The following IFT43 variants were observed in gnomAD, a reference collection of about 807,000 sequenced individuals.
IFT43 encodes intraflagellar transport 43.
In IFT43, 33 loss-of-function variants were observed where a neutral mutation model predicts 32.3. The observed-to-expected ratio is 1.02, with a 90% CI of 0.77 to 1.37. The LOEUF is 1.37. Among genes scored for constraint, IFT43 ranks in the 40% most tolerant of loss-of-function variants. The pLI is 0.00. For missense variants in IFT43, 274 were observed against 265.9 expected, an observed-to-expected ratio of 1.03 and a Z score of -0.21; for synonymous variants, 93 against 98.2, an observed-to-expected ratio of 0.95 and a Z score of 0.31.
intron 5 of IFT43, among the ~76,000 whole-genome samples, chr14:76,081,218 T>C (rs1372738913): frequency 6.6e-6 from 1 of 152,276 alleles, no homozygotes; most frequent in Non-Finnish European, 1.5e-5. Flanking sequence ...TCTCAGCTGT[T>C]GTTGAAATGA....
At chr14:75,996,493 A>G (rs1213012746) in intron 2 of IFT43, among the ~76,000 whole-genome samples, 2 of 152,262 alleles carry the variant, frequency 1.3e-5, no homozygotes, top group Admixed American at 6.5e-5. Context: ...AATTTATCCT[A>G]AATATCAGTT....
intron 2 of IFT43, among the ~76,000 whole-genome samples, chr14:75,993,498 C>T (rs192669176): frequency 1.3e-5 from 2 of 152,254 alleles, no homozygotes; most frequent in East Asian, 1.9e-4. Flanking sequence ...TTCCCATTTC[C>T]GTCTGAATTG....
intron 5 of IFT43, among the ~76,000 whole-genome samples, chr14:76,065,208 G>C (rs941404294): frequency 1.3e-5 from 2 of 152,086 alleles, no homozygotes; most frequent in Non-Finnish European, 2.9e-5. Context: ...TGACTTCCAG[G>C]ACACTCTGCT....
intron 2 of IFT43, 58 bp from the exon 3 acceptor site, chr14:76,022,264 TAAAAA>T: frequency 6.9e-7 from 1 of 1,447,736 alleles, no homozygotes; most frequent in Non-Finnish European, 9.7e-7. Flanking sequence ...AAATAGAAAA[TAAAAA>T]ATAAAATAAA....
intron 2 of IFT43, chr14:76,014,284 A>G (rs1343364445): frequency 1.9e-5 from 3 of 155,062 alleles, no homozygotes; most frequent in Non-Finnish European, 2.9e-5. Context: ...TCTTAGTCCA[A>G]AGTAGTCTAG....
intron 3 of IFT43, among the ~76,000 whole-genome samples, chr14:76,039,240 C>T (rs1004899973): frequency 2.0e-5 from 3 of 152,020 alleles, no homozygotes; most frequent in Non-Finnish European, 4.4e-5. Flanking sequence ...TCAAGCTGTC[C>T]TCCGGCCTCA....
chr14:76,034,812 T>G (rs992294670), intron 3 of IFT43, among the ~76,000 whole-genome samples: 2 of 152,196 alleles, frequency 1.3e-5, no homozygotes, highest in Non-Finnish European at 2.9e-5. Context: ...TCACTACCAG[T>G]CCCTTCCCCT....
rs117497609 is a variant in IFT43, at chr14:76,072,158, C to G, written c.296-10137C>G. ...GCAGAATCTTCAGGTTTGACCATTC[C>G]TCTCTTTTTTCCATCAAATCCATGG... On this transcript the variant is annotated intron_variant, in intron 5 of 8. Transcript: ENST00000314067. 2.8e-3 allele frequency among the ~76,000 whole-genome samples: 432 copies of G among 152,284 alleles called. 2 individuals are homozygous for G. The highest frequency in any genetic ancestry group is 4.9e-3 in the Non-Finnish European group (336 of 68,034).
chr14:76,026,053 G>C (rs1038848191), intron 3 of IFT43, among the ~76,000 whole-genome samples: 10 of 152,030 alleles, frequency 6.6e-5, no homozygotes, highest in Non-Finnish European at 1.5e-4. Context: ...CTATGCATCT[G>C]ACAAAAGTGT....
chr14:76,044,768 T>G (rs1372688921), intron 3 of IFT43, among the ~76,000 whole-genome samples: 2 of 152,222 alleles, frequency 1.3e-5, no homozygotes, highest in East Asian at 3.9e-4. Flanking sequence ...TATTTACAGT[T>G]GGCCTTTAGA....
intron 3 of IFT43, among the ~76,000 whole-genome samples, chr14:76,033,118 G>A (rs2036537247): frequency 6.6e-6 from 1 of 152,188 alleles, no homozygotes; most frequent in African/African-American, 2.4e-5. Context: ...GGTTACAAGG[G>A]GCCTTTGAGA....
chr14:75,994,968 A>G (rs1001658605), intron 2 of IFT43, among the ~76,000 whole-genome samples: 1 of 152,236 alleles, frequency 6.6e-6, no homozygotes, highest in African/African-American at 2.4e-5. Context: ...TTGGATGAGC[A>G]TTTCTTGCTG....
intron 3 of IFT43, among the ~76,000 whole-genome samples, chr14:76,044,255 G>T (rs2036762056): frequency 6.6e-6 from 1 of 152,020 alleles, no homozygotes; most frequent in African/African-American, 2.4e-5. Context: ...GACCAGGCTG[G>T]TCTCGAACTC....
At chr14:76,038,629 T>C (rs1324020929) in intron 3 of IFT43, among the ~76,000 whole-genome samples, 2 of 152,188 alleles carry the variant, frequency 1.3e-5, no homozygotes, top group African/African-American at 2.4e-5. Flanking sequence ...AGTTGCATTG[T>C]TTATTATAGG....
chr14:76,009,096 C>T (rs966511561), intron 2 of IFT43, among the ~76,000 whole-genome samples: 2 of 152,210 alleles, frequency 1.3e-5, no homozygotes, highest in Non-Finnish European at 2.9e-5. Flanking sequence ...CACTTTGTTT[C>T]AGCCCAGATT....
In IFT43 at chr14:75,989,070, T is replaced by C; in HGVS notation, c.147+93T>C. ...AGGATTTGGTATTCCATATTTCTTC[T>C]CTTGAATGCCAACCCTTTCTCCTGT... On this transcript the variant is annotated intron_variant, in intron 2 of 8. Transcript: ENST00000314067. 3 of 1,432,932 alleles carry C rather than the reference T, an allele frequency of 2.1e-6. No homozygotes were observed. In the South Asian group the frequency reaches 3.6e-5, roughly 17 times the overall value. 88.8% of individuals were successfully genotyped at this position (1,432,932 alleles called of 1,614,324 possible).
chr14:75,999,281 ATT>A lies in IFT43; in HGVS notation c.147+10322_147+10323del, dbSNP rs371670856. 1.4e-3 allele frequency among the ~76,000 whole-genome samples: 54 copies of A among 39,044 alleles called. 1 individual carries two copies. The highest frequency in any genetic ancestry group is 3.2e-3 in the Admixed American group (11 of 3,458). 25.6% of individuals were successfully genotyped at this position (39,044 alleles called of 152,430 possible). A position where few individuals can be genotyped will look rare whatever the true frequency, so the allele number is the denominator to read the frequency against. On this transcript the variant is annotated intron_variant, in intron 2 of 8. Transcript: ENST00000314067. ...TATATATATATATATATGTATATAT[ATT>A]TTTTTTTTTTTTTTTTTAATTTTTT...
intron 3 of IFT43, among the ~76,000 whole-genome samples, chr14:76,034,737 G>A (rs1566717994): frequency 6.6e-6 from 1 of 152,200 alleles, no homozygotes; most frequent in East Asian, 1.9e-4. Context: ...TTGGGTGCCA[G>A]GGCTCCATTG....
intron 2 of IFT43, among the ~76,000 whole-genome samples, chr14:75,995,108 G>A (rs900669030): frequency 6.6e-6 from 1 of 152,156 alleles, no homozygotes; most frequent in Non-Finnish European, 1.5e-5. Flanking sequence ...TGAGCCTTAT[G>A]GTAGCTCTTG....
Sources: allele counts gnomAD v4.1 joint callset (sites outside exome capture counted in the v4.1 genomes callset), GRCh38; gene constraint gnomAD v4.1.1; transcripts MANE v1.5; gene names NCBI Gene and HGNC (gene_info 2026-07-23, HGNC 2026-07-21).